Variants in UBE2F observed in about 807,000 individuals in gnomAD.
UBE2F encodes ubiquitin conjugating enzyme E2 F (putative).
Under a neutral mutation model 29.6 loss-of-function variants are expected in UBE2F, and 5 were observed. The observed-to-expected ratio is 0.17, with a 90% CI of 0.09 to 0.36. The LOEUF (loss-of-function observed/expected upper bound fraction) is 0.36, where lower values mean the gene tolerates loss of function less well. Among genes scored for constraint, UBE2F ranks in the 10% least tolerant of loss-of-function variants. The probability of loss-of-function intolerance (pLI) is 1.00; values close to 1 mark genes in which losing one functional copy is unlikely to be tolerated. For synonymous variants in UBE2F, 66 were observed against 81.8 expected (o/e 0.81, Z 1.04); for missense variants, 141 against 228.5 (o/e 0.62, Z 2.47).
intron 9 of UBE2F, among the ~76,000 whole-genome samples, chr2:238,039,657 G>A (rs2064796726): frequency 6.6e-6 from 1 of 152,208 alleles, no homozygotes; most frequent in South Asian, 2.1e-4. Context: ...AGAGTCTGTG[G>A]TTTTCACTTG....
intron 5 of UBE2F, among the ~76,000 whole-genome samples, chr2:238,022,175 C>CTTT (rs1162304454): frequency 2.4e-4 from 15 of 63,334 alleles, no homozygotes; most frequent in East Asian, 1.5e-3. Flanking sequence ...CTTTTCTTTT[C>CTTT]TTTTTTTTTT....
intron 4 of UBE2F, among the ~76,000 whole-genome samples, chr2:238,006,724 A>G (rs1438538929): frequency 1.3e-5 from 2 of 150,324 alleles, no homozygotes; most frequent in Admixed American, 1.3e-4. Flanking sequence ...AAGTGGTAGG[A>G]GGGACATCCT....
chr2:237,975,429 A>G (rs894781726), intron 2 of UBE2F, among the ~76,000 whole-genome samples: 8 of 152,144 alleles, frequency 5.3e-5, no homozygotes, highest in Non-Finnish European at 8.8e-5. Context: ...CATTTCTTAC[A>G]TGTAGAGCAG....
chr2:238,028,338 A>C (rs186878649), intron 6 of UBE2F, among the ~76,000 whole-genome samples: 1 of 152,390 alleles, frequency 6.6e-6, no homozygotes, highest in African/African-American at 2.4e-5. Context: ...GATTGAGCTT[A>C]GGCACTGGCA....
chr2:238,037,940 A>G (rs2064754011), intron 9 of UBE2F, among the ~76,000 whole-genome samples: 2 of 152,182 alleles, frequency 1.3e-5, no homozygotes, highest in Non-Finnish European at 1.5e-5. Flanking sequence ...AGTTCTAGAC[A>G]TCGTGCTGAA....
chr2:238,025,432 T>G lies in UBE2F; in HGVS notation c.353+20T>G, dbSNP rs778333661. ...TCTGAGGTGAGTTTATTGTCTTTTC[T>G]TTCTTCTACATTCGTGAGTGTCATG... On this transcript the variant is annotated intron_variant, in intron 6 of 9. Transcript: ENST00000272930. 6.2e-7 allele frequency: 1 copy of G among 1,604,710 alleles called. No homozygotes were observed. The highest frequency in any genetic ancestry group is 8.5e-7 in the Non-Finnish European group (1 of 1,172,900).
chr2:238,005,279 T>C (rs2063877174), intron 4 of UBE2F, among the ~76,000 whole-genome samples: 1 of 152,280 alleles, frequency 6.6e-6, no homozygotes, highest in South Asian at 2.1e-4. Context: ...CACTGTAACC[T>C]CCACCTCCTG....
intron 4 of UBE2F, among the ~76,000 whole-genome samples, chr2:238,004,168 T>G (rs1416664431): frequency 6.6e-6 from 1 of 152,244 alleles, no homozygotes; most frequent in Non-Finnish European, 1.5e-5. Flanking sequence ...TTTTCTTAAA[T>G]TATAAGAAAC....
rs149063837 is a variant in UBE2F, at chr2:237,973,175, C to G, written c.68C>G (p.Ala23Gly). The change falls in exon 2 of 10, where the codon GCG (alanine) becomes GGG (glycine). Residue 23 changes from alanine (A) to glycine (G), a missense_variant. Transcript: ENST00000272930. ...GLKGSRTAAT[A>G]SDSTRRVSVR... ...AAAGGGTCCCGGACGGCAGCCACAG[C>G]GTCCGACTCGACTCGGAGGGTTTCT... 6.2e-7 allele frequency: 1 copy of G among 1,613,998 alleles called. No homozygotes were observed. The highest frequency in any genetic ancestry group is 8.5e-7 in the Non-Finnish European group (1 of 1,179,914).
intron 2 of UBE2F, among the ~76,000 whole-genome samples, chr2:237,978,879 A>G (rs2063332152): frequency 6.6e-6 from 1 of 152,114 alleles, no homozygotes; most frequent in African/African-American, 2.4e-5. Flanking sequence ...GTCTGAGTCC[A>G]TGGTGCTCCC....
chr2:237,996,863 A>G (rs979287510), intron 4 of UBE2F, among the ~76,000 whole-genome samples: 4 of 152,208 alleles, frequency 2.6e-5, no homozygotes, highest in Admixed American at 2.6e-4. Flanking sequence ...TGTTGGTCTT[A>G]GAATTGTCCT....
chr2:238,029,956 T>C (rs1019714126), intron 6 of UBE2F, among the ~76,000 whole-genome samples: 38 of 152,032 alleles, frequency 2.5e-4, no homozygotes, highest in Middle Eastern at 3.4e-3. Context: ...TCTTTCTTTT[T>C]TTTTTTTTGA....
chr2:237,981,614 C>CTTTTTTT (rs139270010), intron 2 of UBE2F, among the ~76,000 whole-genome samples: 1 of 62,396 alleles, frequency 1.6e-5, no homozygotes, highest in Non-Finnish European at 2.8e-5. Context: ...AATTTGAATT[C>CTTTTTTT]TTTTTTTTTT....
chr2:238,039,160 A>C (rs909266877), intron 9 of UBE2F, among the ~76,000 whole-genome samples: 7 of 152,212 alleles, frequency 4.6e-5, no homozygotes, highest in African/African-American at 1.7e-4. Context: ...ACTTGAACCC[A>C]GGAGGCGGAG....
At chr2:238,003,369 A>T (rs761856918) in intron 4 of UBE2F, 11 of 470,950 alleles carry the variant, frequency 2.3e-5, no homozygotes, top group African/African-American at 4.0e-5. Context: ...CCTTCCAAGA[A>T]TTTGGCTGGT....
intron 4 of UBE2F, among the ~76,000 whole-genome samples, chr2:237,997,932 G>A (rs1387640298): frequency 4.6e-5 from 7 of 152,144 alleles, no homozygotes; most frequent in Non-Finnish European, 1.0e-4. Flanking sequence ...AAACAAAAAC[G>A]TAAAAGATAG....
At chr2:238,015,543 T>C (rs1031947435) in intron 4 of UBE2F, among the ~76,000 whole-genome samples, 2 of 152,160 alleles carry the variant, frequency 1.3e-5, no homozygotes, top group African/African-American at 4.8e-5. Context: ...CAGTTTTAAC[T>C]ACTAGATGAC....
At chr2:238,038,207 A>G (rs112675075) in intron 9 of UBE2F, among the ~76,000 whole-genome samples, 5 of 152,342 alleles carry the variant, frequency 3.3e-5, no homozygotes, top group Admixed American at 6.5e-5. Context: ...CAGTGCAACC[A>G]GGCGGGCAGA....
Position 237,995,255 on chromosome 2 carries a change from A to G in UBE2F, c.214+446A>G, listed in dbSNP as rs547065042. ...ATTAAACAGATAGTGTGGGTAAAGC[A>G]CTTAAGCCCAGGGTCTGGCACACAG... On this transcript the variant is annotated intron_variant, in intron 4 of 9. Transcript: ENST00000272930. Among the ~76,000 whole-genome samples, 21 of 152,364 alleles carry G rather than the reference A, an allele frequency of 1.4e-4. No homozygotes were observed. In the East Asian group the frequency reaches 4.0e-3, roughly 29 times the overall value.
Sources: gnomAD v4.1 joint callset for allele counts (sites outside exome capture counted in the v4.1 genomes callset) on GRCh38, gnomAD v4.1.1 for gene constraint, MANE v1.5 for transcripts, NCBI Gene and HGNC (gene_info 2026-07-23, HGNC 2026-07-21) for gene names.